Variants in TBL1X observed in about 807,000 individuals in gnomAD.
The protein encoded by TBL1X is transducin beta like 1 X-linked.
TBL1X carries 10 observed loss-of-function variants against 50.7 expected under a neutral mutation model. The ratio of observed to expected loss-of-function variants is 0.20; its 90% CI spans 0.12 to 0.33. TBL1X has a LOEUF of 0.33. Ranked by LOEUF, TBL1X falls within the 10% of genes least tolerant of loss-of-function variation. TBL1X has a pLI of 1.00. For synonymous variants in TBL1X, 190 were observed against 214.7 expected (o/e 0.88, Z 1.01); for missense variants, 340 against 504.4 (o/e 0.67, Z 3.12).
chrX:9,566,452 A>G (rs1333624064), intron 2 of TBL1X, among the ~76,000 whole-genome samples: 1 of 111,872 alleles, frequency 8.9e-6, no homozygotes, highest in Non-Finnish European at 1.9e-5. Context: ...GGAGCAAATG[A>G]AGCGGTTTGG....
intron 2 of TBL1X, among the ~76,000 whole-genome samples, chrX:9,573,761 G>A (rs1440708998): frequency 1.8e-5 from 2 of 112,942 alleles, no homozygotes; most frequent in African/African-American, 6.4e-5. Flanking sequence ...CCCTCCTCAC[G>A]GGTGAGAGTC....
chrX:9,500,736 G>A (rs941945841), intron 1 of TBL1X, among the ~76,000 whole-genome samples: 3 of 112,396 alleles, frequency 2.7e-5, no homozygotes, highest in African/African-American at 9.7e-5. Flanking sequence ...GAGACACTGA[G>A]TGTGGCAGGG....
chrX:9,490,452 A>C (rs1320561694), intron 1 of TBL1X, among the ~76,000 whole-genome samples: 2 of 112,122 alleles, frequency 1.8e-5, no homozygotes, highest in Admixed American at 1.9e-4. Context: ...TCCACTAAGC[A>C]CTGTAATGTG....
chrX:9,700,625 TC>T (rs1450178519), intron 12 of TBL1X, among the ~76,000 whole-genome samples: 1 of 111,898 alleles, frequency 8.9e-6, no homozygotes, highest in Non-Finnish European at 1.9e-5. Flanking sequence ...AGCTCGCTCT[TC>T]CAGGTGAAAC....
At chrX:9,706,394 G>A (rs887632051) in intron 13 of TBL1X, among the ~76,000 whole-genome samples, 3 of 111,395 alleles carry the variant, frequency 2.7e-5, no homozygotes, top group African/African-American at 6.5e-5. Flanking sequence ...TAACAGCCAA[G>A]TTTTCCTAAA....
chrX:9,639,035 ATT>A (rs2082762086), intron 2 of TBL1X, among the ~76,000 whole-genome samples: 1 of 111,065 alleles, frequency 9.0e-6, no homozygotes, highest in African/African-American at 3.3e-5. Context: ...CACTCTCATT[ATT>A]TTACTTCAGT....
chrX:9,579,444 A>G (rs1266461485), intron 2 of TBL1X, among the ~76,000 whole-genome samples: 3 of 112,175 alleles, frequency 2.7e-5, no homozygotes, highest in African/African-American at 9.7e-5. Flanking sequence ...AGAGTTGGAA[A>G]TTGGAACCAA....
intron 2 of TBL1X, among the ~76,000 whole-genome samples, chrX:9,589,884 A>G (rs1435166344): frequency 8.9e-6 from 1 of 111,770 alleles, no homozygotes; most frequent in Non-Finnish European, 1.9e-5. Context: ...GATACCACCT[A>G]GGTGGTCAAG....
At chrX:9,523,846 A>G (rs1236168507) in intron 2 of TBL1X, among the ~76,000 whole-genome samples, 4 of 111,576 alleles carry the variant, frequency 3.6e-5, no homozygotes, top group Non-Finnish European at 7.5e-5. Flanking sequence ...ATCATAAAGG[A>G]AGCGATTAAA....
At chrX:9,517,778 G>C (rs955803575) in intron 2 of TBL1X, among the ~76,000 whole-genome samples, 1 of 112,265 alleles carries the variant, frequency 8.9e-6, no homozygotes, top group Non-Finnish European at 1.9e-5. Context: ...TCTGTGGGTA[G>C]AAGCCACGAG....
At chrX:9,474,184 C>A (rs1245542228) in intron 1 of TBL1X, among the ~76,000 whole-genome samples, 3 of 112,687 alleles carry the variant, frequency 2.7e-5, no homozygotes, top group Non-Finnish European at 5.6e-5. Context: ...TATTTCTTGT[C>A]CATGAAATGC....
intron 12 of TBL1X, among the ~76,000 whole-genome samples, chrX:9,698,463 C>G (rs1358321165): frequency 2.7e-5 from 3 of 111,905 alleles, no homozygotes; most frequent in African/African-American, 9.8e-5. Flanking sequence ...AGGCTCCTCT[C>G]CCAGTGGACT....
chrX:9,500,787 C>T (rs906611089), intron 1 of TBL1X, among the ~76,000 whole-genome samples: 6 of 111,760 alleles, frequency 5.4e-5, no homozygotes, highest in African/African-American at 1.6e-4. Context: ...TAACGTCTGC[C>T]GGGGAAGGTG....
At chrX:9,519,883 C>T (rs1407081115) in intron 2 of TBL1X, among the ~76,000 whole-genome samples, 3 of 112,214 alleles carry the variant, frequency 2.7e-5, no homozygotes, top group Non-Finnish European at 5.6e-5. Flanking sequence ...TAAAAGCTGC[C>T]AGAATAATTG....
At chrX:9,491,338 A>ATATATATTT (rs1328551249) in intron 1 of TBL1X, among the ~76,000 whole-genome samples, 7 of 31,308 alleles carry the variant, frequency 2.2e-4, no homozygotes, top group Admixed American at 6.0e-4. Flanking sequence ...ATATATATAT[A>ATATATATTT]TTTTTTTTTT....
intron 2 of TBL1X, among the ~76,000 whole-genome samples, chrX:9,525,509 C>A (rs1047325663): frequency 1.8e-5 from 2 of 111,744 alleles, no homozygotes; most frequent in Non-Finnish European, 3.8e-5. Context: ...CCTGGAGTAT[C>A]CAAATGGTCT....
intron 2 of TBL1X, among the ~76,000 whole-genome samples, chrX:9,599,687 C>CT (rs956965341): frequency 8.9e-6 from 1 of 112,581 alleles, no homozygotes; most frequent in African/African-American, 3.2e-5. Flanking sequence ...CATATTACTA[C>CT]TTCTGGCACA....
chrX:9,660,305 G>A (rs1017738450), intron 5 of TBL1X, among the ~76,000 whole-genome samples: 6 of 112,618 alleles, frequency 5.3e-5, no homozygotes, highest in South Asian at 7.4e-4. Flanking sequence ...TGGTGGTGGC[G>A]ACAGTACTGA....
chrX:9,536,714 A>G (rs909996926), intron 2 of TBL1X, among the ~76,000 whole-genome samples: 3 of 111,963 alleles, frequency 2.7e-5, no homozygotes, highest in African/African-American at 9.8e-5. Context: ...GAATTCTGAT[A>G]AGACTAGACG....
Sources: gnomAD v4.1 joint callset for allele counts (sites outside exome capture counted in the v4.1 genomes callset) on GRCh38, gnomAD v4.1.1 for gene constraint, MANE v1.5 for transcripts, NCBI Gene and HGNC (gene_info 2026-07-23, HGNC 2026-07-21) for gene names.